SPTA1: variants seen among roughly 807,000 people sequenced by gnomAD.
SPTA1 encodes spectrin alpha, erythrocytic 1.
Under a neutral mutation model 324.7 loss-of-function variants are expected in SPTA1, and 177 were observed. The ratio of observed to expected loss-of-function variants is 0.55; its 90% CI spans 0.48 to 0.62. The LOEUF is 0.62. Ranked by LOEUF, SPTA1 falls within the 20% of genes least tolerant of loss-of-function variation. SPTA1 has a pLI of 0.00. For missense variants in SPTA1, 3,162 were observed against 2,883.6 expected (o/e 1.10, Z -2.21); for synonymous variants, 1,195 against 1,041.3 (o/e 1.15, Z -2.84).
chr1:158,639,530 G>C, intron 35 of SPTA1, 52 bp downstream of exon 35: 1 of 1,581,428 alleles, frequency 6.3e-7, no homozygotes, highest in Non-Finnish European at 8.7e-7. Flanking sequence ...AGGGAGAAGA[G>C]CCAGAAATAT....
chr1:158,613,960 G>T, intron 49 of SPTA1, 93 bp from the exon 50 acceptor site: 2 of 1,409,580 alleles, frequency 1.4e-6, no homozygotes, highest in Non-Finnish European at 2.0e-6. Flanking sequence ...GTCAGCTGAA[G>T]CTTTATTGAC....
In SPTA1 at chr1:158,615,372, C is replaced by A. The variant is rs751062593; in HGVS notation, c.6632G>T (p.Arg2211Leu). The A allele has an allele frequency of 1.2e-6, 2 of 1,614,042 alleles. No homozygotes were observed. The highest frequency in any genetic ancestry group is 1.7e-6 in the Non-Finnish European group (2 of 1,179,992). ...CAGGTCCACAATCTTGGTTAGTTGACGCTTCATCGCCTGGATCTCCTTCTG... is the reference window on the plus strand; with the variant it reads ...CAGGTCCACAATCTTGGTTAGTTGAAGCTTCATCGCCTGGATCTCCTTCTG... ...RKQKEIQAMK[R>L]QLTKIVDLGD... Residue 2211 changes from arginine to leucine, a missense_variant, in exon 48 of 52, where the codon CGT (arginine) becomes CTT (leucine). Physicochemically the swap from Arg to Leu is moderately radical, Grantham distance 102. Coordinates refer to ENST00000643759, the MANE Select transcript of SPTA1 (RefSeq NM_003126.4).
chr1:158,652,604 G>T lies in SPTA1; in HGVS notation c.3238C>A (p.Gln1080Lys). The stretch of plus-strand genomic sequence containing the variant: ...GCCAATAAAAATTCATTATAACGTT[G>T]CAATAGACGACGTCTGCGTTCTTCT... The part of the protein sequence containing the change: ...RAEERRRRLL[Q>K]RYNEFLLAYE... The change falls in exon 23 of 52, where the codon CAA (glutamine) becomes AAA (lysine). Residue 1080 changes from glutamine to lysine, a missense_variant. Gln to Lys is a moderately conservative substitution (Grantham distance 53). Coordinates refer to ENST00000643759, the MANE Select transcript of SPTA1 (RefSeq NM_003126.4). The T allele has an allele frequency of 1.2e-6, 2 of 1,614,044 alleles. No homozygotes were observed. Among genetic ancestry groups the T allele is most frequent in the Non-Finnish European group, 1.7e-6 (2 of 1,180,024 alleles).
intron 16 of SPTA1, among the ~76,000 whole-genome samples, chr1:158,663,467 C>A (rs1356036567): frequency 6.6e-6 from 1 of 152,130 alleles, no homozygotes; most frequent in Non-Finnish European, 1.5e-5. Flanking sequence ...GAGTGCCTTG[C>A]CACCAGCTAG....
At chr1:158,653,543 C>T in intron 21 of SPTA1, 118 bp from the exon 22 acceptor site, 4 of 1,352,486 alleles carry the variant, frequency 3.0e-6, no homozygotes, top group African/African-American at 1.4e-5. Flanking sequence ...ATAAGCTAAC[C>T]ATGTCTAATG....
At chr1:158,683,246 G>T (rs539463057) in intron 3 of SPTA1, 125 bp downstream of exon 3, 2 of 1,354,328 alleles carry the variant, frequency 1.5e-6, no homozygotes, top group East Asian at 4.7e-5. Flanking sequence ...CAACCCCAGG[G>T]GAAGATAAGA....
chr1:158,612,877 C>T lies in SPTA1; in HGVS notation c.7074G>A (p.Glu2358=). 1.9e-6 allele frequency: 3 copies of T among 1,613,970 alleles called. No individual in the cohort carries two copies. The highest frequency in any genetic ancestry group is 2.5e-6 in the Non-Finnish European group (3 of 1,179,920). The change falls in exon 51 of 52, where the codon GAG becomes GAA. Residue 2358 remains glutamate, a synonymous_variant. Transcript: ENST00000643759. ...CCTCTGCCAGGGCTTGGAAGGCATT[C>T]TCTATTTCATCACTGGACTTGATGT... is the stretch of plus-strand genomic sequence containing the variant. ...SENIKSSDEI[E]NAFQALAEGK...
intron 33 of SPTA1, among the ~76,000 whole-genome samples, chr1:158,641,666 G>T (rs982103299): frequency 5.9e-5 from 9 of 152,190 alleles, no homozygotes; most frequent in Non-Finnish European, 1.2e-4. Flanking sequence ...AACAACAGGT[G>T]CTGGAGAGGA....
intron 39 of SPTA1, among the ~76,000 whole-genome samples, chr1:158,630,682 A>G (rs527293112): frequency 6.6e-6 from 1 of 152,200 alleles, no homozygotes; most frequent in East Asian, 1.9e-4. Flanking sequence ...AAAGGAAACA[A>G]TCAACAGAGT....
intron 38 of SPTA1, 116 bp downstream of exon 38, chr1:158,635,797 A>G (rs1178141968): frequency 6.8e-7 from 1 of 1,471,938 alleles, no homozygotes; most frequent in Non-Finnish European, 9.4e-7. Flanking sequence ...ACTTAAGGAG[A>G]TAGATAGGTA....
chr1:158,648,788 C>A, intron 25 of SPTA1, 135 bp from the exon 26 acceptor site: 2 of 920,416 alleles, frequency 2.2e-6, no homozygotes, highest in Non-Finnish European at 3.3e-6. Flanking sequence ...CAATTATCAT[C>A]ATTGTTTTTT....
chr1:158,645,669 C>G, intron 27 of SPTA1, 75 bp from the exon 28 acceptor site: 2 of 1,481,672 alleles, frequency 1.3e-6, no homozygotes, highest in Non-Finnish European at 1.9e-6. Flanking sequence ...CTACAGTTTT[C>G]CATTCTCTAG....
rs1398754101 is a variant in SPTA1 at position 158,610,748 on chromosome 1, A to G, written c.*516T>C. ...TCTTTATTTTCAAATTTAAATTTAA[A>G]CACATTCCAAAGTTTAAAAAAATTG... On this transcript the variant is annotated 3_prime_UTR_variant, in exon 52 of 52. Coordinates refer to ENST00000643759, the MANE Select transcript of SPTA1 (RefSeq NM_003126.4). The G allele has an allele frequency of 6.6e-6, 1 of 152,474 alleles. No homozygotes were observed. Among genetic ancestry groups the G allele is most frequent in the Non-Finnish European group, 1.5e-5 (1 of 68,360 alleles). The allele number at this position is 152,474 out of a possible 1,614,324, so 9.4% of individuals were successfully genotyped here. A position where few individuals can be genotyped will look rare whatever the true frequency, so the allele number is the denominator to read the frequency against.
At chr1:158,660,672 C>T (rs1653147812) in intron 18 of SPTA1, among the ~76,000 whole-genome samples, 1 of 152,144 alleles carries the variant, frequency 6.6e-6, no homozygotes, top group Non-Finnish European at 1.5e-5. Flanking sequence ...TTAACCTATA[C>T]TTTTGAAAAC....
At chr1:158,627,579 C>G in intron 40 of SPTA1, 46 bp downstream of exon 40, 2 of 1,585,872 alleles carry the variant, frequency 1.3e-6, no homozygotes, top group Non-Finnish European at 8.7e-7. Context: ...GGGCCAGTCC[C>G]TTTTGGAGAA....
intron 32 of SPTA1, 99 bp downstream of exon 32, chr1:158,642,715 C>A (rs929473034): frequency 2.7e-4 from 431 of 1,598,754 alleles, no homozygotes; most frequent in Admixed American, 7.7e-4. Flanking sequence ...GGCATGGTAG[C>A]CTCAACAGTC....
At chr1:158,677,210 G>A (rs1356794454) in intron 7 of SPTA1, among the ~76,000 whole-genome samples, 2 of 152,080 alleles carry the variant, frequency 1.3e-5, no homozygotes, top group African/African-American at 2.4e-5. Context: ...GGTTTTAAAA[G>A]GAAACCTAAA....
chr1:158,648,777 C>A (rs1652196112), intron 25 of SPTA1, 124 bp from the exon 26 acceptor site: 2 of 1,006,286 alleles, frequency 2.0e-6, no homozygotes, highest in Non-Finnish European at 3.0e-6. Flanking sequence ...CCCACCCCAA[C>A]CAATTATCAT....
At chr1:158,672,361 T>A (rs1349110061) in intron 10 of SPTA1, among the ~76,000 whole-genome samples, 165 bp from the exon 11 acceptor site, 1 of 152,118 alleles carries the variant, frequency 6.6e-6, no homozygotes, top group African/African-American at 2.4e-5. Context: ...ATAGGAAGAA[T>A]GGGATAAATT....
Sources: gnomAD v4.1 joint callset for allele counts (sites outside exome capture counted in the v4.1 genomes callset) on GRCh38, gnomAD v4.1.1 for gene constraint, MANE v1.5 for transcripts, NCBI Gene and HGNC (gene_info 2026-07-23, HGNC 2026-07-21) for gene names.